The following TET1 variants were observed in gnomAD, a reference collection of about 807,000 sequenced individuals.
TET1 encodes tet methylcytosine dioxygenase 1, also known as methylcytosine dioxygenase TET1.
A neutral mutation model predicts 148.7 loss-of-function variants in TET1; 13 were observed. The observed-to-expected ratio is 0.09, with a 90% CI of 0.06 to 0.14. The LOEUF (loss-of-function observed/expected upper bound fraction) is 0.14. TET1 is among the 10% of genes least tolerant of loss of function. TET1 has a pLI of 1.00. For missense variants in TET1, 2,182 were observed against 2,553.8 expected (o/e 0.85, Z 3.14); for synonymous variants, 907 against 937.2 (o/e 0.97, Z 0.59).
At chr10:68,618,054 G>A (rs2054320534) in intron 3 of TET1, among the ~76,000 whole-genome samples, 1 of 151,880 alleles carries the variant, frequency 6.6e-6, no homozygotes, top group Non-Finnish European at 1.5e-5. Context: ...GATTACAGGC[G>A]TTAGTCACCA....
Position 68,692,256 on chromosome 10 carries a change from A to T in TET1, c.*442A>T. 1 of 235,114 alleles carries T rather than the reference A, an allele frequency of 4.3e-6. No homozygotes were observed. Among genetic ancestry groups the T allele is most frequent in the Non-Finnish European group, 8.4e-6 (1 of 119,252 alleles). The allele number at this position is 235,114 out of a possible 1,614,324, so 14.6% of individuals were successfully genotyped here. On this transcript the variant is annotated 3_prime_UTR_variant, in exon 12 of 12. Coordinates refer to ENST00000373644, the MANE Select transcript of TET1 (RefSeq NM_030625.3). The stretch of plus-strand genomic sequence containing the variant: ...CACACAGTTAAAAATAAGCTGAATT[A>T]TTATTTCATGGTGCCATTGTTCCAA...
At chr10:68,593,852 G>A (rs576812075) in intron 2 of TET1, among the ~76,000 whole-genome samples, 2 of 149,368 alleles carry the variant, frequency 1.3e-5, no homozygotes, top group Admixed American at 6.8e-5. Flanking sequence ...GACCTCAGGC[G>A]ATCCACCTGC....
At chr10:68,629,608 A>C (rs1415574404) in intron 3 of TET1, among the ~76,000 whole-genome samples, 1 of 151,326 alleles carries the variant, frequency 6.6e-6, no homozygotes, top group Non-Finnish European at 1.5e-5. Context: ...ATCTCGGCTC[A>C]CTGCAACTTC....
At chr10:68,616,915 G>A (rs2054298677) in intron 3 of TET1, among the ~76,000 whole-genome samples, 1 of 145,220 alleles carries the variant, frequency 6.9e-6, no homozygotes, top group Admixed American at 7.1e-5. Flanking sequence ...CACTGTGTTA[G>A]CCAGGATGGT....
intron 1 of TET1, among the ~76,000 whole-genome samples, chr10:68,565,472 A>AT: frequency 3.9e-5 from 2 of 51,100 alleles, no homozygotes; most frequent in African/African-American, 1.2e-4. Flanking sequence ...TTTAAAAAAA[A>AT]AAAATATATA....
intron 2 of TET1, among the ~76,000 whole-genome samples, chr10:68,595,792 A>G (rs960681661): frequency 6.8e-6 from 1 of 146,084 alleles, no homozygotes; most frequent in Admixed American, 6.9e-5. Context: ...TAATTTTTGT[A>G]TATTTAGTAG....
chr10:68,612,716 C>CA (rs2054234313), intron 3 of TET1, among the ~76,000 whole-genome samples: 1 of 152,114 alleles, frequency 6.6e-6, no homozygotes, highest in Non-Finnish European at 1.5e-5. Flanking sequence ...CTCTCAGGCT[C>CA]AAGCGATCCT....
chr10:68,694,155 T>C lies in TET1; in HGVS notation c.*2341T>C. ...TGTTAATTTTTGGAACTATTGGGAT[T>C]TGTGACGCTTGTTGCAGTTTACCAA... On this transcript the variant is annotated 3_prime_UTR_variant, in exon 12 of 12. Coordinates refer to ENST00000373644, the MANE Select transcript of TET1 (RefSeq NM_030625.3). 8.6e-6 allele frequency: 2 copies of C among 232,740 alleles called. No individual in the cohort carries two copies. The highest frequency in any genetic ancestry group is 1.7e-5 in the Non-Finnish European group (2 of 117,766). The allele number at this position is 232,740 out of a possible 1,614,324, so 14.4% of individuals were successfully genotyped here.
At chr10:68,616,813 T>A (rs1308567862) in intron 3 of TET1, among the ~76,000 whole-genome samples, 1 of 148,222 alleles carries the variant, frequency 6.7e-6, no homozygotes, top group Non-Finnish European at 1.5e-5. Flanking sequence ...GTTCATGCCA[T>A]TCTCCTGCCT....
At position 68,646,414 on chromosome 10, in the gene TET1, A is replaced by G. The variant is rs1259393330; in HGVS notation, c.3685A>G (p.Ile1229Val). The G allele has an allele frequency of 3.7e-6, 6 of 1,614,228 alleles. No individual in the cohort carries two copies. The highest frequency in any genetic ancestry group is 5.1e-6 in the Non-Finnish European group (6 of 1,180,040). ...GAAACCACTGGCTCAAACGAGGTCC[A>G]TTATGCAACCCAAAACAGTATTTCC... ...IWKPLAQTRSIMQPKTVFPPL... is the reference protein window; with the variant it reads ...IWKPLAQTRSVMQPKTVFPPL... The change falls in exon 4 of 12, where the codon ATT (isoleucine) becomes GTT (valine). Residue 1229 changes from isoleucine (I) to valine (V), a missense_variant. Ile to Val is a conservative substitution (Grantham distance 29). This residue lies in a region of TET1 where 582 missense variants were observed against 599.5 expected (regional missense o/e 0.97). Transcript: ENST00000373644.
At chr10:68,578,785 C>A (rs2132806314) in intron 2 of TET1, among the ~76,000 whole-genome samples, 1 of 152,052 alleles carries the variant, frequency 6.6e-6, no homozygotes, top group African/African-American at 2.4e-5. Flanking sequence ...TTGCTAATTG[C>A]CAATTTCTGG....
At chr10:68,629,399 C>G (rs768069722) in intron 3 of TET1, among the ~76,000 whole-genome samples, 1 of 151,628 alleles carries the variant, frequency 6.6e-6, no homozygotes, top group Non-Finnish European at 1.5e-5. Flanking sequence ...AAAAATGTAG[C>G]ATCAAATTGA....
chr10:68,617,368 C>G (rs985298080), intron 3 of TET1, among the ~76,000 whole-genome samples: 4 of 151,754 alleles, frequency 2.6e-5, no homozygotes, highest in Non-Finnish European at 5.9e-5. Context: ...TTACATTGCC[C>G]TGGCTGGTCT....
chr10:68,599,638 G>A (rs1032001589), intron 2 of TET1, among the ~76,000 whole-genome samples: 2 of 152,218 alleles, frequency 1.3e-5, no homozygotes, highest in Non-Finnish European at 2.9e-5. Flanking sequence ...CCGATCCCTG[G>A]GAAGTGGGTG....
intron 11 of TET1, among the ~76,000 whole-genome samples, chr10:68,690,358 A>T (rs1230617831): frequency 6.6e-6 from 1 of 152,360 alleles, no homozygotes; most frequent in African/African-American, 2.4e-5. Flanking sequence ...CTGTAATCCC[A>T]GCACTTTGGG....
intron 3 of TET1, among the ~76,000 whole-genome samples, chr10:68,616,255 A>G (rs2054288478): frequency 6.7e-6 from 1 of 150,366 alleles, no homozygotes; most frequent in Non-Finnish European, 1.5e-5. Flanking sequence ...CATTGCATTC[A>G]GTTGCTATAT....
chr10:68,605,014 G>A (rs1033903983), intron 3 of TET1, among the ~76,000 whole-genome samples: 1 of 152,158 alleles, frequency 6.6e-6, no homozygotes, highest in African/African-American at 2.4e-5. Flanking sequence ...GTAGTATTTG[G>A]AAGAGCTGGG....
chr10:68,591,849 G>T (rs1346090534), intron 2 of TET1, among the ~76,000 whole-genome samples: 1 of 151,940 alleles, frequency 6.6e-6, no homozygotes, highest in Non-Finnish European at 1.5e-5. Flanking sequence ...AGCTTGCAGT[G>T]AGCCGAGATT....
intron 3 of TET1, among the ~76,000 whole-genome samples, chr10:68,642,762 G>A (rs1430670816): frequency 6.6e-6 from 1 of 151,998 alleles, no homozygotes; most frequent in Non-Finnish European, 1.5e-5. Context: ...CCTCCACCAC[G>A]CCCAGCTAAT....
Sources: allele counts gnomAD v4.1 joint callset (sites outside exome capture counted in the v4.1 genomes callset), GRCh38; gene constraint gnomAD v4.1.1; regional missense constraint gnomAD v4.1.1; transcripts MANE v1.5; gene names NCBI Gene and HGNC (gene_info 2026-07-23, HGNC 2026-07-21).